EEIG1: variants seen among roughly 807,000 people sequenced by gnomAD.
EEIG1 encodes the protein early estrogen-induced gene 1 protein.
the EEIG1 span, among the ~76,000 whole-genome samples, chr9:127,965,492 G>A: frequency 1.3e-5 from 2 of 152,122 alleles, no homozygotes; most frequent in Admixed American, 6.5e-5. Flanking sequence ...TGTGCTCCTG[G>A]GTTCCTGACA....
At chr9:127,965,698 A>G in the EEIG1 span, among the ~76,000 whole-genome samples, 1 of 152,252 alleles carries the variant, frequency 6.6e-6, no homozygotes. Flanking sequence ...AGCCCAGGCC[A>G]GAGAGCGAGA....
chr9:127,947,937 C>A, the EEIG1 span: 3 of 1,026,292 alleles, frequency 2.9e-6, no homozygotes, highest in Admixed American at 2.2e-5. Flanking sequence ...CTCATCAGCC[C>A]AGCAGGAGCA....
At chr9:127,944,881 A>G in the EEIG1 span, 1 of 1,612,100 alleles carries the variant, frequency 6.2e-7, no homozygotes, top group Non-Finnish European at 8.5e-7. Context: ...GTGGCTCTCC[A>G]CCGAGTCCTT....
chr9:127,944,604 G>T, the EEIG1 span: 1 of 1,579,718 alleles, frequency 6.3e-7, no homozygotes, highest in Non-Finnish European at 8.7e-7. Context: ...CCCTCCCTAA[G>T]CCTGCCCTAC....
chr9:127,942,902 CCTT>C, the EEIG1 span: 1 of 483,876 alleles, frequency 2.1e-6, no homozygotes, highest in South Asian at 2.2e-5. Flanking sequence ...CTTGCCAGCT[CCTT>C]CTTGCCCACA....
At chr9:127,967,307 A>C in the EEIG1 span, among the ~76,000 whole-genome samples, 11 of 152,236 alleles carry the variant, frequency 7.2e-5, no homozygotes, top group African/African-American at 2.2e-4. Context: ...CACCGAGCCA[A>C]GCACTCTCCC....
the EEIG1 span, among the ~76,000 whole-genome samples, chr9:127,973,146 A>G: frequency 6.6e-6 from 1 of 152,092 alleles, no homozygotes; most frequent in African/African-American, 2.4e-5. The surrounding 1 kb of genome is among the most constrained non-coding windows in gnomAD (Gnocchi z 4.2). Flanking sequence ...TGTGCTTAAG[A>G]TATTACTGCC....
At chr9:127,975,817 C>G in the EEIG1 span, among the ~76,000 whole-genome samples, 1 of 152,080 alleles carries the variant, frequency 6.6e-6, no homozygotes, top group African/African-American at 2.4e-5. Flanking sequence ...TCTTCCTGCC[C>G]AAGGGCTGCC....
the EEIG1 span, chr9:127,950,537 C>A: frequency 1.2e-6 from 2 of 1,613,754 alleles, no homozygotes; most frequent in Admixed American, 3.3e-5. Context: ...CAGCGAAGCC[C>A]AGCTAGGAGG....
At chr9:127,967,643 T>G in the EEIG1 span, among the ~76,000 whole-genome samples, 6 of 152,176 alleles carry the variant, frequency 3.9e-5, no homozygotes, top group African/African-American at 1.2e-4. Flanking sequence ...CTCGGGGGAC[T>G]TCCCTTCCTG....
chr9:127,970,809 C>CTCTGCCCTTGCCGTGCTTCTGCCG, the EEIG1 span, among the ~76,000 whole-genome samples: 1 of 152,214 alleles, frequency 6.6e-6, no homozygotes, highest in Non-Finnish European at 1.5e-5. Flanking sequence ...CTTGCCGTGC[C>CTCTGCCCTTGCCGTGCTTCTGCCG]TCTGCCGCAG....
chr9:127,975,790 T>A, the EEIG1 span, among the ~76,000 whole-genome samples: 1 of 151,992 alleles, frequency 6.6e-6, no homozygotes, highest in Non-Finnish European at 1.5e-5. Flanking sequence ...AGCAGAGATC[T>A]CTTGGGTGTT....
the EEIG1 span, among the ~76,000 whole-genome samples, chr9:127,967,007 C>T: frequency 0.093 from 14,104 of 152,234 alleles, 711 homozygotes; most frequent in African/African-American, 0.11. Context: ...GTCACGCTAG[C>T]GACCCTGGAC....
chr9:127,974,170 C>T, the EEIG1 span, among the ~76,000 whole-genome samples: 8 of 152,166 alleles, frequency 5.3e-5, no homozygotes, highest in African/African-American at 1.4e-4. Context: ...AGCCCTCTCT[C>T]CAATCTGCCT....
At chr9:127,946,591 T>C in the EEIG1 span, among the ~76,000 whole-genome samples, 1 of 152,212 alleles carries the variant, frequency 6.6e-6, no homozygotes, top group Non-Finnish European at 1.5e-5. Flanking sequence ...GGGAGGGGCC[T>C]CTTCTACTTC....
At chr9:127,969,632 C>G in the EEIG1 span, among the ~76,000 whole-genome samples, 4 of 152,114 alleles carry the variant, frequency 2.6e-5, no homozygotes, top group African/African-American at 4.8e-5. Flanking sequence ...TCCCCATGAA[C>G]AGCCAAGCCC....
chr9:127,978,627 G>A, the EEIG1 span, among the ~76,000 whole-genome samples: 2 of 152,002 alleles, frequency 1.3e-5, no homozygotes, highest in African/African-American at 4.8e-5. Flanking sequence ...ATCATTTGCA[G>A]TCAGGAGTTC....
At chr9:127,980,309 G>T in the EEIG1 span, 1 of 634,526 alleles carries the variant, frequency 1.6e-6, no homozygotes, top group Non-Finnish European at 2.6e-6. Context: ...AGATCCACCA[G>T]TCCAGTTCGC....
chr9:127,956,630 T>TG, the EEIG1 span, among the ~76,000 whole-genome samples: 1 of 152,024 alleles, frequency 6.6e-6, no homozygotes, highest in Non-Finnish European at 1.5e-5. Flanking sequence ...GGGCTGGTCT[T>TG]GAACTCCTGA....
Sources: allele counts gnomAD v4.1 joint callset (sites outside exome capture counted in the v4.1 genomes callset), GRCh38; gene constraint gnomAD v4.1.1; non-coding constraint Gnocchi (gnomAD v3.1); transcripts MANE v1.5; gene names NCBI Gene and HGNC (gene_info 2026-07-23, HGNC 2026-07-21).